The following MCTP1 variants were observed in gnomAD, a reference collection of about 807,000 sequenced individuals.
The protein encoded by MCTP1 is multiple C2 and transmembrane domain-containing protein 1.
MCTP1 carries 69 observed loss-of-function variants against 120.6 expected under a neutral mutation model. The observed-to-expected ratio is 0.57, with a 90% CI of 0.47 to 0.70. The LOEUF (loss-of-function observed/expected upper bound fraction) is 0.70. MCTP1 is among the 30% of genes least tolerant of loss of function. MCTP1 has a pLI of 0.00. For missense variants in MCTP1, 1,203 were observed against 1,248.8 expected (o/e 0.96, Z 0.55); for synonymous variants, 529 against 493.1 (o/e 1.07, Z -0.96).
At position 95,135,696 on chromosome 5, in the gene MCTP1, G is replaced by T. The variant is rs565656874; in HGVS notation, c.721-118212C>A. 2.6e-5 allele frequency among the ~76,000 whole-genome samples: 4 copies of T among 152,240 alleles called. No homozygotes were observed. In the East Asian group the frequency reaches 7.7e-4, roughly 29 times the overall value. ...TTCTTCAGTTTTGAGACTCGGACTG[G>T]CTCTCCATGCTCCTCAAGCTTGCAG... On this transcript the variant is annotated intron_variant, in intron 1 of 22. Coordinates refer to ENST00000515393, the MANE Select transcript of MCTP1 (RefSeq NM_024717.7).
chr5:94,752,963 T>A (rs900049106), intron 19 of MCTP1, among the ~76,000 whole-genome samples: 1 of 152,212 alleles, frequency 6.6e-6, no homozygotes, highest in African/African-American at 2.4e-5. Context: ...AAAGCCCTCA[T>A]CCAAGTTTTG....
intron 19 of MCTP1, among the ~76,000 whole-genome samples, chr5:94,718,271 C>G (rs1174626389): frequency 6.6e-6 from 1 of 152,072 alleles, no homozygotes; most frequent in African/African-American, 2.4e-5. Context: ...AAAGGATTCC[C>G]TATATAAAAA....
At chr5:94,788,763 G>A (rs1186543809) in intron 18 of MCTP1, 2 of 151,694 alleles carry the variant, frequency 1.3e-5, no homozygotes, top group African/African-American at 2.4e-5. Flanking sequence ...TCAGGAAATC[G>A]GTAGGATAAC....
intron 1 of MCTP1, among the ~76,000 whole-genome samples, chr5:95,113,708 G>T (rs1394684905): frequency 6.6e-6 from 1 of 152,098 alleles, no homozygotes; most frequent in Non-Finnish European, 1.5e-5. Flanking sequence ...AGGCATTGTA[G>T]GCCACAAGAA....
At chr5:94,979,255 G>A (rs1828855962) in intron 2 of MCTP1, 1 of 152,020 alleles carries the variant, frequency 6.6e-6, no homozygotes, top group Non-Finnish European at 1.5e-5. Flanking sequence ...AGTAACTTGT[G>A]CCCCCCATGA....
At chr5:94,816,041 G>T (rs1444275875) in intron 17 of MCTP1, among the ~76,000 whole-genome samples, 1 of 152,154 alleles carries the variant, frequency 6.6e-6, no homozygotes, top group Non-Finnish European at 1.5e-5. Context: ...AAAAGGTAAA[G>T]TAGGAAGGGC....
In MCTP1 at chr5:94,826,772, C is replaced by CTTTTTTTTTTTTTTTT. The variant is rs61324420; in HGVS notation, c.2437-27656_2437-27641dup. ...TCAGAGAGTAGGGTTGTGACCCCTGCTTTTTTTTTTTTTTTTTTTTTTTTT... is the reference window on the plus strand; with the variant it reads ...TCAGAGAGTAGGGTTGTGACCCCTGCTTTTTTTTTTTTTTTTTTTTTTTTTTTTTTTTTTTTTTTTT... On this transcript the variant is annotated intron_variant, in intron 17 of 22. Coordinates refer to ENST00000515393, the MANE Select transcript of MCTP1 (RefSeq NM_024717.7). 67 of 42,880 alleles carry CTTTTTTTTTTTTTTTT rather than the reference C, an allele frequency of 1.6e-3. 5 individuals are homozygous for CTTTTTTTTTTTTTTTT. The highest frequency in any genetic ancestry group is 4.1e-3 in the African/African-American group (25 of 6,118). 2.7% of individuals were successfully genotyped at this position (42,880 alleles called of 1,614,324 possible).
At chr5:94,796,237 T>C (rs112597505) in intron 18 of MCTP1, among the ~76,000 whole-genome samples, 1 of 152,184 alleles carries the variant, frequency 6.6e-6, no homozygotes, top group Non-Finnish European at 1.5e-5. Flanking sequence ...TTCACCCTAA[T>C]TAAATTTTTG....
intron 1 of MCTP1, among the ~76,000 whole-genome samples, chr5:95,086,214 G>A (rs1004179495): frequency 2.0e-5 from 3 of 152,138 alleles, no homozygotes; most frequent in Non-Finnish European, 4.4e-5. Context: ...TATTTCTTCT[G>A]AGTAGTTCAA....
chr5:95,284,030 C>T lies in MCTP1; in HGVS notation c.546G>A (p.Glu182=), dbSNP rs979247984. Residue 182 remains glutamate (E), a synonymous_variant, in exon 1 of 23, where the codon GAG becomes GAA. Transcript: ENST00000515393. The surrounding 1 kb of genome is among the most constrained non-coding windows in gnomAD (Gnocchi z 5.2). ...CCCCGGGGCCCTGACGCCGTGCACC[C>T]TCATCTCGGGCGCGGTCCCCCCTCG... ...PPPRGDRARD[E]GARRQGPGAH... The T allele has an allele frequency of 2.6e-6, 4 of 1,512,988 alleles. No homozygotes were observed. Among genetic ancestry groups the T allele is most frequent in the South Asian group, 1.3e-5 (1 of 77,158 alleles). 93.7% of individuals were successfully genotyped at this position (1,512,988 alleles called of 1,614,324 possible).
chr5:94,928,859 T>TA (rs1194249129), intron 6 of MCTP1, among the ~76,000 whole-genome samples: 1 of 152,136 alleles, frequency 6.6e-6, no homozygotes, highest in East Asian at 1.9e-4. Context: ...AAAAATAAGT[T>TA]AGTCCTGAAC....
At chr5:95,041,312 A>AC (rs1842322644) in intron 1 of MCTP1, among the ~76,000 whole-genome samples, 1 of 81,768 alleles carries the variant, frequency 1.2e-5, no homozygotes, top group Non-Finnish European at 2.6e-5. Context: ...CCATGCTCTG[A>AC]AAAAAAAAAA....
chr5:95,065,457 C>T (rs1025171635), intron 1 of MCTP1, among the ~76,000 whole-genome samples: 1 of 151,814 alleles, frequency 6.6e-6, no homozygotes, highest in African/African-American at 2.4e-5. Flanking sequence ...TATGGGTTAC[C>T]GTTAGAAAAT....
At chr5:94,956,124 C>T (rs1822550028) in intron 2 of MCTP1, among the ~76,000 whole-genome samples, 1 of 152,226 alleles carries the variant, frequency 6.6e-6, no homozygotes, top group African/African-American at 2.4e-5. Flanking sequence ...CCCAGGCAAA[C>T]AGTCTGGAGT....
intron 1 of MCTP1, among the ~76,000 whole-genome samples, chr5:95,248,991 C>T (rs1160708200): frequency 6.6e-6 from 1 of 152,164 alleles, no homozygotes; most frequent in Non-Finnish European, 1.5e-5. Flanking sequence ...CCCTTCCTTA[C>T]ACCGTATACA....
intron 1 of MCTP1, among the ~76,000 whole-genome samples, chr5:95,173,860 C>G (rs749593987): frequency 1.0e-5 from 1 of 98,932 alleles, no homozygotes; most frequent in South Asian, 2.8e-4. Context: ...TTAATTTTCT[C>G]AGAGAGAGAT....
chr5:95,041,475 C>T (rs188413941), intron 1 of MCTP1, among the ~76,000 whole-genome samples: 6 of 152,172 alleles, frequency 3.9e-5, no homozygotes, highest in South Asian at 2.1e-4. Flanking sequence ...GTACTTTAAA[C>T]GTTTAATATC....
intron 1 of MCTP1, among the ~76,000 whole-genome samples, chr5:95,084,788 T>A (rs910724630): frequency 1.3e-5 from 2 of 152,180 alleles, no homozygotes; most frequent in South Asian, 4.1e-4. Flanking sequence ...GTTGCTTTTT[T>A]TGGCTTGCTC....
intron 2 of MCTP1, among the ~76,000 whole-genome samples, chr5:95,011,024 G>T (rs1019497064): frequency 1.3e-5 from 2 of 152,148 alleles, no homozygotes; most frequent in African/African-American, 2.4e-5. Context: ...TGTTTTCAGT[G>T]CATCCTGTCA....
Sources: allele counts gnomAD v4.1 joint callset (sites outside exome capture counted in the v4.1 genomes callset), GRCh38; gene constraint gnomAD v4.1.1; non-coding constraint Gnocchi (gnomAD v3.1); transcripts MANE v1.5; gene names NCBI Gene and HGNC (gene_info 2026-07-23, HGNC 2026-07-21).